KCNQ5: variants seen among roughly 807,000 people sequenced by gnomAD.
The protein encoded by KCNQ5 is potassium voltage-gated channel subfamily KQT member 5.
KCNQ5 carries 30 observed loss-of-function variants against 98.2 expected under a neutral mutation model. That is an observed-to-expected ratio of 0.31 (90% CI 0.23 to 0.41). The LOEUF is 0.41. Ranked by LOEUF, KCNQ5 falls within the 10% of genes least tolerant of loss-of-function variation. KCNQ5 has a pLI of 1.00. For synonymous variants in KCNQ5, 458 were observed against 449.4 expected (o/e 1.02, Z -0.24); for missense variants, 835 against 1,182.5 (o/e 0.71, Z 4.31).
chr6:72,749,761 A>G (rs1032481730), intron 1 of KCNQ5, among the ~76,000 whole-genome samples: 2 of 152,088 alleles, frequency 1.3e-5, no homozygotes, highest in African/African-American at 4.8e-5. Flanking sequence ...TATGTAATCA[A>G]CTTAGGGTTG....
chr6:73,022,110 C>A (rs146959558), intron 2 of KCNQ5, among the ~76,000 whole-genome samples: 2 of 152,092 alleles, frequency 1.3e-5, no homozygotes, highest in East Asian at 3.9e-4. Context: ...AAAGACCTAG[C>A]CAGTTATTCA....
In KCNQ5 at chr6:72,952,438, T is replaced by G. The variant is rs554566570; in HGVS notation, c.399-51470T>G. Among the ~76,000 whole-genome samples, 6 of 152,310 alleles carry G rather than the reference T, an allele frequency of 3.9e-5. No homozygotes were observed. The South Asian group carries it at 1.2e-3, about 32-fold the overall frequency. On this transcript the variant is annotated intron_variant, in intron 1 of 13. Coordinates refer to ENST00000370398, the MANE Select transcript of KCNQ5 (RefSeq NM_019842.4). ...GACCCTTGTGTTGTACACTTCTTAA[T>G]AAACATAGCTCATAACTTCTCCTTC... is the stretch of plus-strand genomic sequence containing the variant.
At chr6:73,063,497 A>G (rs1772875991) in intron 3 of KCNQ5, among the ~76,000 whole-genome samples, 1 of 152,132 alleles carries the variant, frequency 6.6e-6, no homozygotes, top group African/African-American at 2.4e-5. Flanking sequence ...AGCAATACAT[A>G]AAAGTAAATA....
rs185336353 is a variant in KCNQ5, at chr6:72,776,336, C to G, written c.398+153749C>G. Reference sequence around the variant, plus strand: ...CTACAAATTTAAATAGATTTCTAGTCATTAAACTTTATGAATGTGAATTAC... The same window carrying G: ...CTACAAATTTAAATAGATTTCTAGTGATTAAACTTTATGAATGTGAATTAC... On this transcript the variant is annotated intron_variant, in intron 1 of 13. Transcript: ENST00000370398. Among the ~76,000 whole-genome samples the G allele has an allele frequency of 2.4e-3, 358 of 152,204 alleles. 1 individual carries two copies. The highest frequency in any genetic ancestry group is 0.014 in the Middle Eastern group (4 of 294).
chr6:72,750,463 T>C (rs1344748614), intron 1 of KCNQ5, among the ~76,000 whole-genome samples: 1 of 152,080 alleles, frequency 6.6e-6, no homozygotes, highest in East Asian at 1.9e-4. Context: ...TACTTTTGGA[T>C]TTATTAATTT....
intron 3 of KCNQ5, among the ~76,000 whole-genome samples, chr6:73,050,034 CA>C (rs1184134108): frequency 6.6e-6 from 1 of 151,742 alleles, no homozygotes; most frequent in Non-Finnish European, 1.5e-5. Flanking sequence ...ACAAAAAAAA[CA>C]AACAAAAACA....
At chr6:72,644,757 G>A (rs767949553) in intron 1 of KCNQ5, among the ~76,000 whole-genome samples, 5 of 151,988 alleles carry the variant, frequency 3.3e-5, no homozygotes, top group Admixed American at 1.3e-4. Flanking sequence ...TGTGCATCCC[G>A]TAGTCCTTCT....
intron 1 of KCNQ5, among the ~76,000 whole-genome samples, chr6:72,713,123 A>G (rs945647324): frequency 2.0e-5 from 3 of 152,176 alleles, no homozygotes; most frequent in African/African-American, 7.2e-5. Flanking sequence ...CAGCTTAGTC[A>G]GAGATGCAAT....
At chr6:72,814,497 C>T (rs550537244) in intron 1 of KCNQ5, among the ~76,000 whole-genome samples, 161 of 152,308 alleles carry the variant, frequency 1.1e-3, no homozygotes, top group Admixed American at 9.7e-3. Context: ...TAAAGAGCAA[C>T]GCCCGACACA....
At chr6:72,724,229 C>T (rs1770139653) in intron 1 of KCNQ5, among the ~76,000 whole-genome samples, 1 of 151,916 alleles carries the variant, frequency 6.6e-6, no homozygotes. Flanking sequence ...AGTAATACTA[C>T]TTTTGTGGTT....
intron 2 of KCNQ5, among the ~76,000 whole-genome samples, chr6:73,021,055 C>A (rs1212419983): frequency 1.3e-5 from 2 of 152,144 alleles, no homozygotes; most frequent in Non-Finnish European, 2.9e-5. Flanking sequence ...CTTCCCTTCA[C>A]CATCTTGGTA....
chr6:72,660,726 C>T (rs2154472884), intron 1 of KCNQ5, among the ~76,000 whole-genome samples: 1 of 152,238 alleles, frequency 6.6e-6, no homozygotes, highest in African/African-American at 2.4e-5. Context: ...AAAATCGTTG[C>T]TCATTCAGGC....
At chr6:72,951,006 C>A (rs542360017) in intron 1 of KCNQ5, among the ~76,000 whole-genome samples, 1 of 152,192 alleles carries the variant, frequency 6.6e-6, no homozygotes, top group East Asian at 1.9e-4. Flanking sequence ...GCTGAGAATC[C>A]CTGTTTTCTG....
rs375419878 is a variant in KCNQ5 at position 73,005,622 on chromosome 6, C to T, written c.489+1624C>T. 2.7e-5 allele frequency among the ~76,000 whole-genome samples: 4 copies of T among 150,488 alleles called. No homozygotes were observed. In the East Asian group the frequency reaches 5.8e-4, roughly 22 times the overall value. ...AGTCTAAAACTGATTAGTATCTTGA[C>T]TTTTAAAACCTGTTAAATAGTGAAC... On this transcript the variant is annotated intron_variant, in intron 2 of 13. Coordinates refer to ENST00000370398, the MANE Select transcript of KCNQ5 (RefSeq NM_019842.4).
At position 72,667,265 on chromosome 6, in the gene KCNQ5, G is replaced by A. The variant is rs536946802; in HGVS notation, c.398+44678G>A. ...CTATTAAATTAAGGCAGCCACCAAA[G>A]ATGACTTAAGCCTCACCTCTGTCTC... On this transcript the variant is annotated intron_variant, in intron 1 of 13. Transcript: ENST00000370398. Among the ~76,000 whole-genome samples, 3 of 152,234 alleles carry A rather than the reference G, an allele frequency of 2.0e-5. No individual in the cohort carries two copies. The East Asian group carries it at 5.8e-4, about 29-fold the overall frequency.
intron 1 of KCNQ5, among the ~76,000 whole-genome samples, chr6:72,820,666 AT>A (rs370174098): frequency 0.03 from 4,521 of 151,076 alleles, 95 homozygotes; most frequent in Middle Eastern, 0.054. Flanking sequence ...ATGTGGCAGC[AT>A]TTTTTTTTCT....
intron 1 of KCNQ5, among the ~76,000 whole-genome samples, chr6:72,934,670 T>G (rs1458112169): frequency 2.0e-5 from 3 of 152,228 alleles, no homozygotes; most frequent in Non-Finnish European, 4.4e-5. Flanking sequence ...GTTTCCTAAA[T>G]TATAGGGACT....
chr6:72,635,930 C>A (rs1020794617), intron 1 of KCNQ5, among the ~76,000 whole-genome samples: 17 of 151,680 alleles, frequency 1.1e-4, no homozygotes, highest in Admixed American at 1.1e-3. Flanking sequence ...AAGGGGAGAA[C>A]CCTATTTTTC....
intron 7 of KCNQ5, among the ~76,000 whole-genome samples, chr6:73,117,464 G>C (rs933662912): frequency 1.3e-5 from 2 of 152,204 alleles, no homozygotes; most frequent in African/African-American, 4.8e-5. Context: ...GAGAAAAATA[G>C]CAAGACATCA....
Sources: gnomAD v4.1 joint callset for allele counts (sites outside exome capture counted in the v4.1 genomes callset) on GRCh38, gnomAD v4.1.1 for gene constraint, MANE v1.5 for transcripts, NCBI Gene and HGNC (gene_info 2026-07-23, HGNC 2026-07-21) for gene names.